The following PTPRM variants were observed in gnomAD, a reference collection of about 807,000 sequenced individuals.
The protein encoded by PTPRM is receptor-type tyrosine-protein phosphatase mu.
In PTPRM, 47 loss-of-function variants were observed where a neutral mutation model predicts 186.7. That is an observed-to-expected ratio of 0.25 (90% confidence interval 0.20 to 0.32). PTPRM has a LOEUF of 0.32. Among genes scored for constraint, PTPRM ranks in the 10% least tolerant of loss-of-function variants. The probability of loss-of-function intolerance (pLI) is 1.00; values close to 1 mark genes in which losing one functional copy is unlikely to be tolerated. For synonymous variants in PTPRM, 668 were observed against 674.9 expected (o/e 0.99, Z 0.16); for missense variants, 1,494 against 1,865.0 (o/e 0.80, Z 3.66).
At chr18:7,745,766 A>C (rs1296382118) in intron 1 of PTPRM, among the ~76,000 whole-genome samples, 1 of 152,224 alleles carries the variant, frequency 6.6e-6, no homozygotes, top group Non-Finnish European at 1.5e-5. Flanking sequence ...AGGAATTGAG[A>C]GACATTTGCT....
At chr18:8,104,860 A>G (rs1469717495) in intron 11 of PTPRM, among the ~76,000 whole-genome samples, 2 of 152,162 alleles carry the variant, frequency 1.3e-5, no homozygotes, top group Non-Finnish European at 2.9e-5. Flanking sequence ...GCTGGTATGT[A>G]TGTTCTTTTT....
At chr18:7,987,760 A>G (rs1423214816) in intron 7 of PTPRM, among the ~76,000 whole-genome samples, 2 of 152,070 alleles carry the variant, frequency 1.3e-5, no homozygotes, top group Non-Finnish European at 2.9e-5. Flanking sequence ...GATTAAAACC[A>G]TTTTTTCAGA....
intron 23 of PTPRM, among the ~76,000 whole-genome samples, chr18:8,362,949 G>T (rs1347446869): frequency 2.6e-5 from 4 of 152,184 alleles, no homozygotes; most frequent in African/African-American, 9.7e-5. Flanking sequence ...CAGTCAGCTT[G>T]CCCCTTATTC....
chr18:7,975,829 A>G (rs934406095), intron 7 of PTPRM, among the ~76,000 whole-genome samples: 1 of 152,216 alleles, frequency 6.6e-6, no homozygotes, highest in Non-Finnish European at 1.5e-5. Flanking sequence ...AGAGCACTCT[A>G]TGATGTTCAC....
intron 7 of PTPRM, among the ~76,000 whole-genome samples, chr18:8,014,338 T>G (rs2084724705): frequency 6.6e-6 from 1 of 152,202 alleles, no homozygotes; most frequent in African/African-American, 2.4e-5. Context: ...AAAATCTTAT[T>G]TTTCCTGTTT....
At chr18:7,703,195 A>G (rs685452) in intron 1 of PTPRM, among the ~76,000 whole-genome samples, 14,702 of 152,034 alleles carry the variant, frequency 0.097, 985 homozygotes, top group African/African-American at 0.18. Context: ...TTTTTTTTCT[A>G]ATTTTGTGAA....
At chr18:7,877,270 A>G (rs1186382278) in intron 2 of PTPRM, among the ~76,000 whole-genome samples, 2 of 152,154 alleles carry the variant, frequency 1.3e-5, no homozygotes, top group African/African-American at 4.8e-5. Context: ...TCCACGTTGC[A>G]CCTAGAATGA....
At position 7,752,131 on chromosome 18, in the gene PTPRM, C is replaced by T. The variant is rs546019889; in HGVS notation, c.74-22018C>T. Among the ~76,000 whole-genome samples, 45 of 152,340 alleles carry T rather than the reference C, an allele frequency of 3.0e-4. No individual in the cohort carries two copies. The South Asian group carries it at 9.1e-3, about 31-fold the overall frequency. On this transcript the variant is annotated intron_variant, in intron 1 of 32. Transcript: ENST00000580170. ...CCTCCTGTTTCCCCTCCAACTCACA[C>T]ATACAGAATTAATTAAATGTTTTTT...
At chr18:8,394,638 A>G (rs2095836919) in intron 32 of PTPRM, 27 bp downstream of exon 32, 4 of 1,578,466 alleles carry the variant, frequency 2.5e-6, no homozygotes, top group East Asian at 4.7e-5. Context: ...GAGCTGTTCC[A>G]TGAGACACCC....
At chr18:7,586,303 G>A (rs1347130489) in intron 1 of PTPRM, among the ~76,000 whole-genome samples, 5 of 152,136 alleles carry the variant, frequency 3.3e-5, no homozygotes, top group Non-Finnish European at 7.4e-5. Flanking sequence ...GTCCACTACG[G>A]GTGGATGAAT....
rs373543096 is a variant in PTPRM, at chr18:7,699,238, C to A, written c.74-74911C>A. On this transcript the variant is annotated intron_variant, in intron 1 of 32. Coordinates refer to ENST00000580170, the MANE Select transcript of PTPRM (RefSeq NM_001105244.2). ...TCTTCCACGAAACCAGTCCCTCATG[C>A]TGAAAAGGTTGGGGACTGCTGCTTT... Among the ~76,000 whole-genome samples the A allele has an allele frequency of 1.7e-4, 26 of 152,274 alleles. No homozygotes were observed. The South Asian group carries it at 5.0e-3, about 29-fold the overall frequency.
At chr18:7,824,006 A>G (rs1419107046) in intron 2 of PTPRM, among the ~76,000 whole-genome samples, 2 of 152,112 alleles carry the variant, frequency 1.3e-5, no homozygotes, top group African/African-American at 2.4e-5. Context: ...GGCCCCTTGC[A>G]CTGGCTGTAC....
rs144545329 is a variant in PTPRM at position 7,965,449 on chromosome 18, C to G, written c.1132+10035C>G. On this transcript the variant is annotated intron_variant, in intron 7 of 32. Coordinates refer to ENST00000580170, the MANE Select transcript of PTPRM (RefSeq NM_001105244.2). ...CTGGGAGACATGTTTCTCTTTTGCT[C>G]ATTTGCACACATACCCCAGGAAGGT... Among the ~76,000 whole-genome samples, 446 of 152,024 alleles carry G rather than the reference C, an allele frequency of 2.9e-3. 1 individual carries two copies. Among genetic ancestry groups the G allele is most frequent in the African/African-American group, 0.01 (435 of 41,480 alleles).
chr18:8,186,155 G>A (rs112757080), intron 14 of PTPRM, among the ~76,000 whole-genome samples: 5,281 of 151,818 alleles, frequency 0.035, 272 homozygotes, highest in African/African-American at 0.12. Flanking sequence ...GTGAAACCCC[G>A]TCTCTAATAA....
intron 5 of PTPRM, among the ~76,000 whole-genome samples, chr18:7,929,195 T>C (rs948403259): frequency 3.3e-5 from 5 of 152,202 alleles, no homozygotes; most frequent in African/African-American, 1.2e-4. Context: ...ACACACATTC[T>C]AAATCAGGAA....
chr18:7,598,463 C>G (rs561124504), intron 1 of PTPRM, among the ~76,000 whole-genome samples: 1 of 152,228 alleles, frequency 6.6e-6, no homozygotes, highest in African/African-American at 2.4e-5. Context: ...TATTGATCAT[C>G]TACTGCAGGC....
At chr18:8,046,264 G>A (rs568276389) in intron 7 of PTPRM, among the ~76,000 whole-genome samples, 6 of 152,252 alleles carry the variant, frequency 3.9e-5, no homozygotes, top group Admixed American at 1.3e-4. Context: ...CCAGTCTCAG[G>A]TATTTCCTCA....
intron 1 of PTPRM, among the ~76,000 whole-genome samples, chr18:7,713,461 C>G (rs569027917): frequency 4.3e-4 from 66 of 152,248 alleles, no homozygotes; most frequent in African/African-American, 1.6e-3. Context: ...ACTGCATCAA[C>G]TAACGGGCAA....
At chr18:8,317,304 G>A (rs1399590325) in intron 21 of PTPRM, among the ~76,000 whole-genome samples, 1 of 152,016 alleles carries the variant, frequency 6.6e-6, no homozygotes, top group East Asian at 1.9e-4. Flanking sequence ...GGGAGAGAGG[G>A]GTCAAGGATG....
Sources: gnomAD v4.1 joint callset for allele counts (sites outside exome capture counted in the v4.1 genomes callset) on GRCh38, gnomAD v4.1.1 for gene constraint, MANE v1.5 for transcripts, NCBI Gene and HGNC (gene_info 2026-07-23, HGNC 2026-07-21) for gene names.